CADM3: variants seen among roughly 807,000 people sequenced by gnomAD.
The protein encoded by CADM3 is TSLC1-like 1.
In CADM3, 11 loss-of-function variants were observed where a neutral mutation model predicts 44.9. The ratio of observed to expected loss-of-function variants is 0.25; its 90% CI spans 0.15 to 0.41. The LOEUF (loss-of-function observed/expected upper bound fraction) is 0.41. Among genes scored for constraint, CADM3 ranks in the 10% least tolerant of loss-of-function variants. The probability of loss-of-function intolerance (pLI) is 1.00; values close to 1 mark genes in which losing one functional copy is unlikely to be tolerated. For synonymous variants in CADM3, 207 were observed against 205.2 expected (o/e 1.01, Z -0.08); for missense variants, 426 against 512.0 (o/e 0.83, Z 1.62).
chr1:159,191,483 T>C (rs1463836612), intron 1 of CADM3, among the ~76,000 whole-genome samples: 1 of 152,246 alleles, frequency 6.6e-6, no homozygotes, highest in East Asian at 1.9e-4. Flanking sequence ...CCATTTTAGT[T>C]TTAGGATTAT....
chr1:159,188,580 C>A (rs1649514694), intron 1 of CADM3, among the ~76,000 whole-genome samples: 1 of 152,142 alleles, frequency 6.6e-6, no homozygotes, highest in Admixed American at 6.5e-5. Flanking sequence ...AGCCCGGACA[C>A]GTAGCAGCTC....
intron 5 of CADM3, 81 bp from the exon 6 acceptor site, chr1:159,196,283 A>G: frequency 5.7e-6 from 6 of 1,050,120 alleles, no homozygotes; most frequent in Non-Finnish European, 8.8e-6. Flanking sequence ...TTAGAGGTAG[A>G]AGCTGTAGTG....
rs1286478874 is a variant in CADM3, at chr1:159,192,625, C to CTCAGCA, written c.290_295dup (p.Ile97_Ser98dup). On this transcript the variant is annotated inframe_insertion, in exon 3 of 9. Coordinates refer to ENST00000368125, the MANE Select transcript of CADM3 (RefSeq NM_001127173.3). ...GCTGGTTACCTCTACGCCCCACGAG[C>CTCAGCA]TCAGCATCAGCATCAGCAATGTGGC... The CTCAGCA allele has an allele frequency of 1.9e-6, 3 of 1,614,230 alleles. No individual in the cohort carries two copies. The highest frequency in any genetic ancestry group is 8.5e-7 in the Non-Finnish European group (1 of 1,180,046).
chr1:159,194,235 T>G (rs544464501), intron 5 of CADM3, 195 bp downstream of exon 5: 221 of 550,578 alleles, frequency 4.0e-4, no homozygotes, highest in African/African-American at 3.6e-3. Context: ...TTTTAGGCTT[T>G]GAGACCCATA....
chr1:159,178,000 T>C (rs1404277540), intron 1 of CADM3, among the ~76,000 whole-genome samples: 1 of 152,208 alleles, frequency 6.6e-6, no homozygotes, highest in Admixed American at 6.5e-5. Context: ...CACAAGTCCT[T>C]GATATCAAAT....
chr1:159,192,102 C>A, intron 2 of CADM3, 26 bp downstream of exon 2: 1 of 1,611,706 alleles, frequency 6.2e-7, no homozygotes, highest in Non-Finnish European at 8.5e-7. Flanking sequence ...TTATCTTTCT[C>A]CGTGAAAACC....
intron 2 of CADM3, 74 bp downstream of exon 2, chr1:159,192,150 C>G: frequency 6.7e-7 from 1 of 1,488,228 alleles, no homozygotes; most frequent in Non-Finnish European, 9.2e-7. Context: ...CCGAGGGGAA[C>G]TGTTCCTGTC....
intron 1 of CADM3, among the ~76,000 whole-genome samples, chr1:159,190,421 T>C (rs1206765486): frequency 6.6e-6 from 1 of 152,156 alleles, no homozygotes; most frequent in African/African-American, 2.4e-5. Flanking sequence ...AGGAACAGAG[T>C]TCTAGTTCTA....
intron 3 of CADM3, among the ~76,000 whole-genome samples, chr1:159,193,089 CTTCATCCTATAT>C (rs891725509): frequency 2.6e-5 from 4 of 152,194 alleles, no homozygotes; most frequent in African/African-American, 7.2e-5. Context: ...ATGCTCTCAT[CTTCATCCTATAT>C]TTCATCCTAT....
Position 159,194,048 on chromosome 1 carries a change from A to C in CADM3, c.691+8A>C. On this transcript the variant is annotated splice_region_variant and intron_variant, in intron 5 of 8. Transcript: ENST00000368125. Reference sequence around the variant, plus strand: ...AACGCATTGAAGTTTTATGTATGTCATGGGCTTGGGGATGAAGAAGGATGA... The same window carrying C: ...AACGCATTGAAGTTTTATGTATGTCCTGGGCTTGGGGATGAAGAAGGATGA... The C allele has an allele frequency of 6.2e-7, 1 of 1,610,692 alleles. No homozygotes were observed.
At chr1:159,177,206 T>C (rs1649054349) in intron 1 of CADM3, among the ~76,000 whole-genome samples, 1 of 152,128 alleles carries the variant, frequency 6.6e-6, no homozygotes, top group African/African-American at 2.4e-5. Flanking sequence ...CAGAAGATCA[T>C]GTTGACAAAC....
chr1:159,183,336 T>A (rs1384529307), intron 1 of CADM3, among the ~76,000 whole-genome samples: 1 of 152,136 alleles, frequency 6.6e-6, no homozygotes, highest in Non-Finnish European at 1.5e-5. Context: ...CCTGTATGCC[T>A]CCTAGGAGAG....
intron 1 of CADM3, among the ~76,000 whole-genome samples, chr1:159,173,812 G>C: frequency 6.6e-6 from 1 of 152,204 alleles, no homozygotes; most frequent in East Asian, 1.9e-4. Context: ...CCAGAAAGCT[G>C]TGAGCTCTTC....
At chr1:159,182,952 C>T (rs1271157493) in intron 1 of CADM3, among the ~76,000 whole-genome samples, 5 of 152,304 alleles carry the variant, frequency 3.3e-5, no homozygotes, top group South Asian at 2.1e-4. Flanking sequence ...TTCATTTTAA[C>T]CCCACCTTAA....
chr1:159,200,134 G>A (rs1650095228), intron 8 of CADM3, among the ~76,000 whole-genome samples: 1 of 152,182 alleles, frequency 6.6e-6, no homozygotes. Context: ...GTCAGCGGTT[G>A]CTCCCATGCT....
At chr1:159,190,019 C>T in intron 1 of CADM3, 1 of 643,338 alleles carries the variant, frequency 1.6e-6, no homozygotes, top group Non-Finnish European at 2.8e-6. Flanking sequence ...CATTTTAGTT[C>T]TTAGTCTGCA....
At position 159,179,895 on chromosome 1, in the gene CADM3, C is replaced by T. The variant is rs181018328; in HGVS notation, c.88+8042C>T. On this transcript the variant is annotated intron_variant, in intron 1 of 8. Transcript: ENST00000368125. ...TGTAGTTCTTAAGGATGAGATCTTT[C>T]CAAATACATATTATATGTTTCTTCC... Among the ~76,000 whole-genome samples, 139 of 149,506 alleles carry T rather than the reference C, an allele frequency of 9.3e-4. 1 individual carries two copies. In the Middle Eastern group the frequency reaches 0.02, roughly 22 times the overall value.
chr1:159,185,721 T>C (rs952304858), intron 1 of CADM3, among the ~76,000 whole-genome samples: 1 of 152,242 alleles, frequency 6.6e-6, no homozygotes, highest in Non-Finnish European at 1.5e-5. Context: ...TTTCTTCATC[T>C]CCTGTTTGGT....
intron 1 of CADM3, chr1:159,189,640 T>G: frequency 1.5e-6 from 1 of 676,608 alleles, no homozygotes; most frequent in Non-Finnish European, 2.6e-6. Context: ...CCCTACCTTC[T>G]CTTAGGTATC....
Sources: allele counts gnomAD v4.1 joint callset (sites outside exome capture counted in the v4.1 genomes callset), GRCh38; gene constraint gnomAD v4.1.1; transcripts MANE v1.5; gene names NCBI Gene and HGNC (gene_info 2026-07-23, HGNC 2026-07-21).